WNT2: variants seen among roughly 807,000 people sequenced by gnomAD.
WNT2 encodes Wnt family member 2.
In WNT2, 12 loss-of-function variants were observed where a neutral mutation model predicts 36.9. The observed-to-expected ratio is 0.33, with a 90% CI of 0.21 to 0.53. The LOEUF (loss-of-function observed/expected upper bound fraction) is 0.53, where lower values mean the gene tolerates loss of function less well. WNT2 is among the 20% of genes least tolerant of loss of function. The pLI is 0.95. For synonymous variants in WNT2, 163 were observed against 174.6 expected (o/e 0.93, Z 0.52); for missense variants, 379 against 473.1 (o/e 0.80, Z 1.84).
At chr7:117,315,566 TGTGGCA>T (rs1044427869) in intron 2 of WNT2, among the ~76,000 whole-genome samples, 5 of 152,214 alleles carry the variant, frequency 3.3e-5, no homozygotes, top group African/African-American at 1.2e-4. Context: ...TAGGTATCTG[TGTGGCA>T]GCTCTTCTTA....
At chr7:117,280,761 G>A (rs1794467500) in intron 4 of WNT2, among the ~76,000 whole-genome samples, 1 of 152,230 alleles carries the variant, frequency 6.6e-6, no homozygotes, top group South Asian at 2.1e-4. Flanking sequence ...AGCTTTTGGT[G>A]AGAACATAAT....
At chr7:117,319,527 G>A (rs990013564) in intron 2 of WNT2, among the ~76,000 whole-genome samples, 1 of 148,972 alleles carries the variant, frequency 6.7e-6, no homozygotes, top group Non-Finnish European at 1.5e-5. Context: ...GGAATTGGGG[G>A]GGGGGGTAGG....
At chr7:117,316,365 C>G (rs1485266318) in intron 2 of WNT2, among the ~76,000 whole-genome samples, 1 of 152,170 alleles carries the variant, frequency 6.6e-6, no homozygotes, top group Non-Finnish European at 1.5e-5. Context: ...TCAAGTGGAG[C>G]TGTATTTCAT....
intron 4 of WNT2, among the ~76,000 whole-genome samples, chr7:117,295,647 A>G (rs1381887816): frequency 6.6e-6 from 1 of 152,206 alleles, no homozygotes; most frequent in Non-Finnish European, 1.5e-5. Flanking sequence ...GGGTCCTCTT[A>G]TATTTGAAAT....
intron 3 of WNT2, among the ~76,000 whole-genome samples, chr7:117,298,270 T>C (rs1034263209): frequency 6.6e-6 from 1 of 152,138 alleles, no homozygotes; most frequent in African/African-American, 2.4e-5. Flanking sequence ...TAAAATAATA[T>C]AAAAATGTAT....
At chr7:117,313,444 G>A (rs930342678) in intron 3 of WNT2, among the ~76,000 whole-genome samples, 3 of 152,172 alleles carry the variant, frequency 2.0e-5, no homozygotes, top group Non-Finnish European at 4.4e-5. Flanking sequence ...ACACGGTGAA[G>A]AATCATGTGA....
At chr7:117,314,552 A>G (rs1168088217) in intron 3 of WNT2, among the ~76,000 whole-genome samples, 1 of 152,190 alleles carries the variant, frequency 6.6e-6, no homozygotes, top group Non-Finnish European at 1.5e-5. Flanking sequence ...CTTATCCAGC[A>G]CCAGAAACAA....
At chr7:117,317,912 G>T (rs549319283) in intron 2 of WNT2, among the ~76,000 whole-genome samples, 1 of 152,270 alleles carries the variant, frequency 6.6e-6, no homozygotes, top group South Asian at 2.1e-4. Context: ...ATAAGGATGA[G>T]AACTAATTAC....
chr7:117,282,341 A>T (rs1221412333), intron 4 of WNT2, among the ~76,000 whole-genome samples: 2 of 151,314 alleles, frequency 1.3e-5, no homozygotes, highest in Non-Finnish European at 2.9e-5. Context: ...AAGGTGGTAG[A>T]GGAAGAGGAG....
chr7:117,320,770 G>A lies in WNT2; in HGVS notation c.107C>T (p.Ser36Phe), dbSNP rs867169610. 1 of 1,612,264 alleles carries A rather than the reference G, an allele frequency of 6.2e-7. No homozygotes were observed. The highest frequency in any genetic ancestry group is 1.1e-5 in the South Asian group (1 of 90,702). ...CACATTATCGCACATCACCCTGGAG[G>A]AGCCACCTGTAGCTCTCATGTACCT... is the stretch of plus-strand genomic sequence containing the variant. ...SWWYMRATGG[S>F]SRVMCDNVPG... Residue 36 changes from serine (S) to phenylalanine (F), a missense_variant, in exon 2 of 5, where the codon TCC becomes TTC. Coordinates refer to ENST00000265441, the MANE Select transcript of WNT2 (RefSeq NM_003391.3).
intron 3 of WNT2, among the ~76,000 whole-genome samples, chr7:117,309,473 G>A (rs986878527): frequency 6.6e-6 from 1 of 152,160 alleles, no homozygotes; most frequent in Non-Finnish European, 1.5e-5. Context: ...AGGATGCCAA[G>A]TTAAGTTTGA....
intron 3 of WNT2, among the ~76,000 whole-genome samples, chr7:117,313,634 A>G (rs565782221): frequency 2.0e-5 from 3 of 152,358 alleles, no homozygotes; most frequent in Non-Finnish European, 4.4e-5. Flanking sequence ...AAATCTAACT[A>G]TATACCCTGT....
intron 2 of WNT2, among the ~76,000 whole-genome samples, chr7:117,316,194 T>C (rs1445086736): frequency 6.6e-6 from 1 of 152,234 alleles, no homozygotes; most frequent in African/African-American, 2.4e-5. Context: ...AGAATTGTTC[T>C]TTATTAGAGC....
At chr7:117,317,120 T>C (rs1795235679) in intron 2 of WNT2, among the ~76,000 whole-genome samples, 1 of 152,218 alleles carries the variant, frequency 6.6e-6, no homozygotes, top group Admixed American at 6.5e-5. Context: ...AGCTTAAGTA[T>C]GTAGCACTAG....
intron 3 of WNT2, among the ~76,000 whole-genome samples, chr7:117,299,194 G>A (rs996615000): frequency 6.6e-6 from 1 of 152,120 alleles, no homozygotes; most frequent in Non-Finnish European, 1.5e-5. Context: ...TGAGTGTTTG[G>A]TAGGAAGCTC....
chr7:117,308,341 C>T (rs1435767691), intron 3 of WNT2, among the ~76,000 whole-genome samples: 2 of 152,134 alleles, frequency 1.3e-5, no homozygotes, highest in African/African-American at 4.8e-5. Context: ...TTGTGGAATT[C>T]AAGAACATTA....
rs924699145 is a variant in WNT2 at position 117,277,509 on chromosome 7, C to T, written c.*646G>A. ...CCATAGTACCAAAGGACACACGTCC[C>T]CACCTTGTTACATCAGATTTTAATA... On this transcript the variant is annotated 3_prime_UTR_variant, in exon 5 of 5. Coordinates refer to ENST00000265441, the MANE Select transcript of WNT2 (RefSeq NM_003391.3). 1 of 153,640 alleles carries T rather than the reference C, an allele frequency of 6.5e-6. No homozygotes were observed. The highest frequency in any genetic ancestry group is 2.4e-5 in the African/African-American group (1 of 41,448). 9.5% of individuals were successfully genotyped at this position (153,640 alleles called of 1,614,324 possible). A position where few individuals can be genotyped will look rare whatever the true frequency, so the allele number is the denominator to read the frequency against.
At chr7:117,295,962 T>TG (rs1794782442) in intron 4 of WNT2, among the ~76,000 whole-genome samples, 1 of 152,218 alleles carries the variant, frequency 6.6e-6, no homozygotes, top group African/African-American at 2.4e-5. Flanking sequence ...GTCATAGGGC[T>TG]GCTGTAAGGA....
intron 3 of WNT2, among the ~76,000 whole-genome samples, chr7:117,309,399 G>A (rs1181517856): frequency 2.0e-5 from 3 of 151,974 alleles, no homozygotes; most frequent in Admixed American, 2.0e-4. Flanking sequence ...GTGCTTGTTT[G>A]GATAGTGAGT....
Sources: gnomAD v4.1 joint callset for allele counts (sites outside exome capture counted in the v4.1 genomes callset) on GRCh38, gnomAD v4.1.1 for gene constraint, MANE v1.5 for transcripts, NCBI Gene and HGNC (gene_info 2026-07-23, HGNC 2026-07-21) for gene names.